Variants in CBFA2T3 observed in about 807,000 individuals in gnomAD.
The protein encoded by CBFA2T3 is transcriptional corepressor CBFA2T3.
A neutral mutation model predicts 58.6 loss-of-function variants in CBFA2T3; 31 were observed. The ratio of observed to expected loss-of-function variants is 0.53; its 90% CI spans 0.40 to 0.71. The LOEUF (loss-of-function observed/expected upper bound fraction) is 0.71, where lower values mean the gene tolerates loss of function less well. CBFA2T3 is among the 30% of genes least tolerant of loss of function. The pLI, the probability that CBFA2T3 is intolerant of heterozygous loss-of-function variation, is 0.00. For synonymous variants in CBFA2T3, 531 were observed against 421.9 expected, an observed-to-expected ratio of 1.26 and a Z score of -3.17; for missense variants, 1,076 against 963.1, an observed-to-expected ratio of 1.12 and a Z score of -1.55.
intron 1 of CBFA2T3, among the ~76,000 whole-genome samples, chr16:88,964,219 G>T (rs1236154900): frequency 1.3e-5 from 2 of 152,220 alleles, no homozygotes; most frequent in Non-Finnish European, 2.9e-5. Flanking sequence ...TTCATGGGTT[G>T]CCTCTCTCTA....
chr16:88,891,436 G>A lies in CBFA2T3; in HGVS notation c.711+446C>T, dbSNP rs572763232. Among the ~76,000 whole-genome samples the A allele has an allele frequency of 1.2e-4, 18 of 152,240 alleles. No homozygotes were observed. The South Asian group carries it at 1.9e-3, about 16-fold the overall frequency. On this transcript the variant is annotated intron_variant, in intron 5 of 11. Coordinates refer to ENST00000268679, the MANE Select transcript of CBFA2T3 (RefSeq NM_005187.6). ...ATTTGAGAGTGGCTGTGGACCGAAC[G>A]CCTTCCCACCCCAGGGTGCTGGCTC... is the stretch of plus-strand genomic sequence containing the variant.
chr16:88,880,748 G>A lies in CBFA2T3; in HGVS notation c.1443C>T (p.Tyr481=), dbSNP rs142014599. 1.8e-5 allele frequency: 29 copies of A among 1,578,510 alleles called. No homozygotes were observed. The highest frequency in any genetic ancestry group is 5.4e-5 in the African/African-American group (4 of 74,188). Residue 481 remains tyrosine (Y), a synonymous_variant, in exon 10 of 12, where the codon TAC becomes TAT. Transcript: ENST00000268679. The part of the protein sequence containing the change: ...REFLPRTLTG[Y]VPEDIWRKAE... ...CCTTCCTCCAGATGTCCTCAGGCAC[G>A]TAGCCGGTGAGGGTCCTCGGCAGGA...
intron 1 of CBFA2T3, chr16:88,939,379 G>A (rs1411082897): frequency 2.0e-5 from 3 of 152,278 alleles, no homozygotes; most frequent in Non-Finnish European, 4.4e-5. Flanking sequence ...GCACATCCCA[G>A]GAGAGATGGA....
chr16:88,905,132 GGGGTGGGGGA>G (rs1970257760), intron 1 of CBFA2T3, among the ~76,000 whole-genome samples: 1 of 152,118 alleles, frequency 6.6e-6, no homozygotes, highest in Non-Finnish European at 1.5e-5. Context: ...GGGAAGGAGG[GGGGTGGGGGA>G]GTGGGCAGCG....
intron 3 of CBFA2T3, among the ~76,000 whole-genome samples, chr16:88,897,387 G>A (rs936724017): frequency 2.0e-5 from 3 of 152,270 alleles, no homozygotes; most frequent in Non-Finnish European, 4.4e-5. Context: ...GGTAGTGATG[G>A]ACCGGAGTCT....
chr16:88,966,339 TA>T (rs111903260), intron 1 of CBFA2T3, among the ~76,000 whole-genome samples: 11 of 151,784 alleles, frequency 7.2e-5, no homozygotes, highest in African/African-American at 2.2e-4. Flanking sequence ...TGTGCCGGGG[TA>T]GGGGGGTGGC....
intron 1 of CBFA2T3, among the ~76,000 whole-genome samples, chr16:88,908,054 C>T (rs1225084992): frequency 6.6e-6 from 1 of 152,180 alleles, no homozygotes; most frequent in Non-Finnish European, 1.5e-5. Flanking sequence ...AGAAAGTTCC[C>T]AGACCTGCCA....
At chr16:88,949,263 G>A (rs553004541) in intron 1 of CBFA2T3, among the ~76,000 whole-genome samples, 40 of 152,310 alleles carry the variant, frequency 2.6e-4, no homozygotes, top group African/African-American at 7.7e-4. Context: ...ACCCCGATAA[G>A]AGATGGGTTG....
intron 1 of CBFA2T3, among the ~76,000 whole-genome samples, chr16:88,923,818 G>A (rs1460607348): frequency 6.6e-6 from 1 of 152,228 alleles, no homozygotes; most frequent in East Asian, 1.9e-4. Flanking sequence ...GGAAAGACCA[G>A]AATGCCGAAC....
chr16:88,972,125 C>A (rs1208986319), intron 1 of CBFA2T3, among the ~76,000 whole-genome samples: 1 of 152,124 alleles, frequency 6.6e-6, no homozygotes, highest in African/African-American at 2.4e-5. Flanking sequence ...TGGTTGCTGT[C>A]CTTGTGTGTG....
chr16:88,969,458 G>A (rs911453913), intron 1 of CBFA2T3, among the ~76,000 whole-genome samples: 1 of 152,230 alleles, frequency 6.6e-6, no homozygotes, highest in Non-Finnish European at 1.5e-5. Context: ...GGGAAGGAGT[G>A]CCAGGAAGAG....
intron 1 of CBFA2T3, among the ~76,000 whole-genome samples, chr16:88,911,659 T>C (rs1487752592): frequency 1.3e-5 from 2 of 152,256 alleles, no homozygotes; most frequent in South Asian, 2.1e-4. Context: ...ACGAAGTACA[T>C]GAGCTCACGA....
intron 1 of CBFA2T3, among the ~76,000 whole-genome samples, chr16:88,917,201 A>G (rs898335964): frequency 6.6e-6 from 1 of 152,174 alleles, no homozygotes; most frequent in African/African-American, 2.4e-5. Flanking sequence ...TGCCCTCTGC[A>G]CAGCCACATG....
chr16:88,917,319 G>T (rs1358707347), intron 1 of CBFA2T3, among the ~76,000 whole-genome samples: 1 of 152,176 alleles, frequency 6.6e-6, no homozygotes, highest in African/African-American at 2.4e-5. Flanking sequence ...CTGCGGAACT[G>T]GCACCGTGGG....
At chr16:88,971,958 T>G (rs952027769) in intron 1 of CBFA2T3, among the ~76,000 whole-genome samples, 1 of 152,076 alleles carries the variant, frequency 6.6e-6, no homozygotes, top group African/African-American at 2.4e-5. Flanking sequence ...TGGTGAGAAG[T>G]GAAAGTTGTC....
At chr16:88,901,900 C>T (rs933553528) in intron 1 of CBFA2T3, among the ~76,000 whole-genome samples, 10 of 152,150 alleles carry the variant, frequency 6.6e-5, no homozygotes, top group Non-Finnish European at 2.9e-5. Flanking sequence ...CTGGGGCCCT[C>T]GGTGTGTGGC....
At chr16:88,933,870 G>A (rs529518624) in intron 1 of CBFA2T3, among the ~76,000 whole-genome samples, 16 of 152,080 alleles carry the variant, frequency 1.1e-4, no homozygotes, top group African/African-American at 3.4e-4. Context: ...TACAGCAGCC[G>A]CAAGCACAAG....
Position 88,892,222 on chromosome 16 carries a change from C to T in CBFA2T3, c.621+22G>A, listed in dbSNP as rs368599460. On this transcript the variant is annotated intron_variant, in intron 4 of 11. Transcript: ENST00000268679. ...AGGGAATATGCATGTCCCAAGGCCC[C>T]GGCTGTCCCTGCCCAACTCACCACC... 8.1e-5 allele frequency: 130 copies of T among 1,599,352 alleles called. No individual in the cohort carries two copies. In the African/African-American group the frequency reaches 8.4e-4, roughly 10 times the overall value.
chr16:88,901,351 G>A (rs955477169), intron 2 of CBFA2T3, among the ~76,000 whole-genome samples, 153 bp downstream of exon 2: 3 of 152,212 alleles, frequency 2.0e-5, no homozygotes, highest in Non-Finnish European at 4.4e-5. Context: ...GATTTGAACC[G>A]GCCAAGCCTG....
Sources: gnomAD v4.1 joint callset for allele counts (sites outside exome capture counted in the v4.1 genomes callset) on GRCh38, gnomAD v4.1.1 for gene constraint, MANE v1.5 for transcripts, NCBI Gene and HGNC (gene_info 2026-07-23, HGNC 2026-07-21) for gene names.